SHC3: variants seen among roughly 807,000 people sequenced by gnomAD.
The protein encoded by SHC3 is SHC-transforming protein 3.
SHC3 carries 15 observed loss-of-function variants against 60.4 expected under a neutral mutation model. That is an observed-to-expected ratio of 0.25 (90% confidence interval 0.17 to 0.38). SHC3 has a LOEUF of 0.38. Among genes scored for constraint, SHC3 ranks in the 10% least tolerant of loss-of-function variants. The pLI, the probability that SHC3 is intolerant of heterozygous loss-of-function variation, is 1.00. For synonymous variants in SHC3, 294 were observed against 325.9 expected (o/e 0.90, Z 1.05); for missense variants, 677 against 786.1 (o/e 0.86, Z 1.66).
intron 1 of SHC3, among the ~76,000 whole-genome samples, chr9:89,155,382 CAAG>C (rs1471391693): frequency 6.6e-6 from 1 of 152,084 alleles, no homozygotes; most frequent in Non-Finnish European, 1.5e-5. Flanking sequence ...TGTGAATGAC[CAAG>C]AAGAAGTTCA....
chr9:89,127,911 C>T (rs1215191904), intron 1 of SHC3, among the ~76,000 whole-genome samples: 2 of 152,016 alleles, frequency 1.3e-5, no homozygotes, highest in Non-Finnish European at 2.9e-5. Flanking sequence ...GCTGTGCCTG[C>T]TTATTAGGCT....
At chr9:89,068,882 T>A (rs1041365232) in intron 5 of SHC3, among the ~76,000 whole-genome samples, 2 of 152,224 alleles carry the variant, frequency 1.3e-5, no homozygotes, top group Non-Finnish European at 2.9e-5. Context: ...ATCTGCCTTT[T>A]ATATGTCAAA....
At chr9:89,035,558 G>A (rs72748940) in intron 11 of SHC3, among the ~76,000 whole-genome samples, 3 of 152,150 alleles carry the variant, frequency 2.0e-5, no homozygotes, top group Non-Finnish European at 2.9e-5. Context: ...CATGATGCAA[G>A]GAACTTAGTA....
chr9:89,018,218 T>C (rs557223854), intron 11 of SHC3, among the ~76,000 whole-genome samples: 1 of 152,180 alleles, frequency 6.6e-6, no homozygotes, highest in Non-Finnish European at 1.5e-5. Flanking sequence ...ACTGTTCACA[T>C]TAGCAAAGAC....
intron 11 of SHC3, among the ~76,000 whole-genome samples, chr9:89,018,830 C>T (rs953586492): frequency 3.0e-4 from 45 of 150,956 alleles, no homozygotes; most frequent in African/African-American, 1.0e-3. Flanking sequence ...CCAAGGCAGG[C>T]GGATCATTTG....
At chr9:89,029,606 A>G (rs765150668) in intron 11 of SHC3, among the ~76,000 whole-genome samples, 4 of 152,170 alleles carry the variant, frequency 2.6e-5, no homozygotes, top group Admixed American at 1.3e-4. Context: ...CAAGAGTCCA[A>G]TGAAAATATG....
chr9:89,106,419 G>A (rs963042056), intron 2 of SHC3, among the ~76,000 whole-genome samples: 3 of 152,212 alleles, frequency 2.0e-5, no homozygotes, highest in South Asian at 4.1e-4. Flanking sequence ...GGACAGTCCC[G>A]TAAATGCTGC....
Position 89,016,162 on chromosome 9 carries a change from G to C in SHC3, c.1657-2587C>G, listed in dbSNP as rs142167976. On this transcript the variant is annotated intron_variant, in intron 11 of 11. Coordinates refer to ENST00000375835, the MANE Select transcript of SHC3 (RefSeq NM_016848.6). ...TAAGGCCCAAAAAACCTCTAGCCAG[G>C]CTAAGAAAAAAAGATTATAAGACCC... 6.9e-3 allele frequency among the ~76,000 whole-genome samples: 1,046 copies of C among 151,788 alleles called. 11 individuals carry two copies. Among genetic ancestry groups the C allele is most frequent in the Middle Eastern group, 0.014 (4 of 294 alleles).
rs1436190525 is a variant in SHC3, at chr9:89,055,291, G to A, written c.836-3128C>T. On this transcript the variant is annotated intron_variant, in intron 6 of 11. Coordinates refer to ENST00000375835, the MANE Select transcript of SHC3 (RefSeq NM_016848.6). ...GGCTAGTAGCTGCTCCCGGCTTGGC[G>A]CTCAGGACTGGCCCCCGGCCATCTG... 3.9e-5 allele frequency among the ~76,000 whole-genome samples: 6 copies of A among 152,224 alleles called. No individual in the cohort carries two copies. In the East Asian group the frequency reaches 7.7e-4, roughly 20 times the overall value.
At chr9:89,155,928 T>G (rs546353577) in intron 1 of SHC3, among the ~76,000 whole-genome samples, 121 of 152,336 alleles carry the variant, frequency 7.9e-4, no homozygotes, top group African/African-American at 2.8e-3. Flanking sequence ...GACTGATTCT[T>G]ACTGTCAACC....
At chr9:89,102,495 T>C (rs756245098) in intron 2 of SHC3, among the ~76,000 whole-genome samples, 13 of 152,354 alleles carry the variant, frequency 8.5e-5, no homozygotes, top group Middle Eastern at 3.4e-3. Flanking sequence ...GCAAGTGTTA[T>C]AATGATATGT....
intron 7 of SHC3, among the ~76,000 whole-genome samples, chr9:89,049,057 C>T (rs1186345963): frequency 6.6e-6 from 1 of 152,104 alleles, no homozygotes; most frequent in Non-Finnish European, 1.5e-5. Flanking sequence ...GTCAGGAGAT[C>T]GATACCATCC....
chr9:89,174,633 T>G (rs2118276392), intron 1 of SHC3, among the ~76,000 whole-genome samples: 1 of 152,328 alleles, frequency 6.6e-6, no homozygotes, highest in South Asian at 2.1e-4. Flanking sequence ...TATGGTCACT[T>G]CTTATCCTTT....
At chr9:89,152,315 T>C (rs942299412) in intron 1 of SHC3, among the ~76,000 whole-genome samples, 1 of 152,246 alleles carries the variant, frequency 6.6e-6, no homozygotes, top group Non-Finnish European at 1.5e-5. Context: ...GGCCTGGGCA[T>C]AGATCAATTA....
In SHC3 at chr9:89,170,282, G is replaced by T. The variant is rs1449760462; in HGVS notation, c.474+7705C>A. On this transcript the variant is annotated intron_variant, in intron 1 of 11. Coordinates refer to ENST00000375835, the MANE Select transcript of SHC3 (RefSeq NM_016848.6). ...GCCAGCCTGAAGCATAGCTCATGCA[G>T]TCAAAATCAGCAGGGAGGGCCCACC... Among the ~76,000 whole-genome samples, 4 of 152,244 alleles carry T rather than the reference G, an allele frequency of 2.6e-5. No individual in the cohort carries two copies. In the East Asian group the frequency reaches 5.8e-4, roughly 22 times the overall value.
intron 11 of SHC3, among the ~76,000 whole-genome samples, chr9:89,037,027 C>T (rs1428950828): frequency 6.7e-6 from 1 of 150,248 alleles, no homozygotes; most frequent in Non-Finnish European, 1.5e-5. Flanking sequence ...AAGTGGCTGT[C>T]TCCGCGGAAG....
chr9:89,064,820 A>T (rs1033810221), intron 6 of SHC3, among the ~76,000 whole-genome samples: 2 of 152,206 alleles, frequency 1.3e-5, no homozygotes, highest in Admixed American at 1.3e-4. Context: ...GATAAGCATT[A>T]TGCAAAGCAA....
rs67891062 is a variant in SHC3 at position 89,026,254 on chromosome 9, C to CAA, written c.1656+11737_1656+11738dup. On this transcript the variant is annotated intron_variant, in intron 11 of 11. Transcript: ENST00000375835. Reference sequence around the variant, plus strand: ...GGGTGACAAGAGTGAAACTACATCTCAAAAAAAAAAAAAAAAAAAACAAGA... The same window carrying CAA: ...GGGTGACAAGAGTGAAACTACATCTCAAAAAAAAAAAAAAAAAAAAAACAAGA... Among the ~76,000 whole-genome samples the CAA allele has an allele frequency of 4.9e-3, 502 of 102,110 alleles. 1 individual carries two copies. The highest frequency in any genetic ancestry group is 7.8e-3 in the Non-Finnish European group (399 of 51,400). The allele number at this position is 102,110 out of a possible 152,430, so 67.0% of individuals were successfully genotyped here.
chr9:89,177,889 G>A (rs1417427725), intron 1 of SHC3, 98 bp downstream of exon 1: 22 of 1,130,686 alleles, frequency 1.9e-5, no homozygotes, highest in Non-Finnish European at 2.2e-5. Flanking sequence ...TGACAGTCGC[G>A]GGAGCGCCCC....
Sources: gnomAD v4.1 joint callset for allele counts (sites outside exome capture counted in the v4.1 genomes callset) on GRCh38, gnomAD v4.1.1 for gene constraint, MANE v1.5 for transcripts, NCBI Gene and HGNC (gene_info 2026-07-23, HGNC 2026-07-21) for gene names.